PRKCA: variants seen among roughly 807,000 people sequenced by gnomAD.
PRKCA encodes protein kinase C alpha type.
In PRKCA, 27 loss-of-function variants were observed where a neutral mutation model predicts 87.0. That is an observed-to-expected ratio of 0.31 (90% CI 0.23 to 0.43). The LOEUF is 0.43. Ranked by LOEUF, PRKCA falls within the 20% of genes least tolerant of loss-of-function variation. The probability of loss-of-function intolerance (pLI) is 1.00; values close to 1 mark genes in which losing one functional copy is unlikely to be tolerated. For missense variants in PRKCA, 518 were observed against 852.3 expected, an observed-to-expected ratio of 0.61 and a Z score of 4.88; for synonymous variants, 329 against 311.1, an observed-to-expected ratio of 1.06 and a Z score of -0.61.
intron 3 of PRKCA, among the ~76,000 whole-genome samples, chr17:66,595,834 C>T (rs998053585): frequency 5.9e-5 from 9 of 152,182 alleles, no homozygotes; most frequent in African/African-American, 2.2e-4. Context: ...GGATGCAATT[C>T]CACCCACTAC....
At chr17:66,577,818 C>T (rs1159657244) in intron 3 of PRKCA, among the ~76,000 whole-genome samples, 1 of 152,200 alleles carries the variant, frequency 6.6e-6, no homozygotes, top group East Asian at 1.9e-4. Flanking sequence ...GAGAATGACA[C>T]TGGAGTGAGG....
In PRKCA at chr17:66,713,783, C is replaced by T. The variant is rs1346006638; in HGVS notation, c.919-18905C>T. ...TTCTGAAAATAGACTTGTCAACACT[C>T]AGTCCGAGTCTGGCCCCCAGTCACT... On this transcript the variant is annotated intron_variant, in intron 8 of 16. Coordinates refer to ENST00000413366, the MANE Select transcript of PRKCA (RefSeq NM_002737.3). Among the ~76,000 whole-genome samples, 5 of 152,178 alleles carry T rather than the reference C, an allele frequency of 3.3e-5. No homozygotes were observed. The East Asian group carries it at 9.7e-4, about 29-fold the overall frequency.
chr17:66,656,055 C>T (rs905967103), intron 5 of PRKCA, among the ~76,000 whole-genome samples: 2 of 152,118 alleles, frequency 1.3e-5, no homozygotes, highest in South Asian at 4.2e-4. Context: ...GTTCTCTGTG[C>T]GGGGACTCCA....
intron 3 of PRKCA, among the ~76,000 whole-genome samples, chr17:66,631,894 A>G (rs948507611): frequency 6.6e-6 from 1 of 152,254 alleles, no homozygotes; most frequent in African/African-American, 2.4e-5. Flanking sequence ...AACTGGACAT[A>G]AAACAATGTC....
In PRKCA at chr17:66,406,567, G is replaced by A. The variant is rs191245764; in HGVS notation, c.206-89634G>A. ...AACGCTGCCCAGGCAGCTTCATGTAGCATTGTAGCTTTTCCAGGTTTTTTT... is the reference window on the plus strand; with the variant it reads ...AACGCTGCCCAGGCAGCTTCATGTAACATTGTAGCTTTTCCAGGTTTTTTT... On this transcript the variant is annotated intron_variant, in intron 2 of 16. Coordinates refer to ENST00000413366, the MANE Select transcript of PRKCA (RefSeq NM_002737.3). Among the ~76,000 whole-genome samples, 4 of 83,266 alleles carry A rather than the reference G, an allele frequency of 4.8e-5. No individual in the cohort carries two copies. In the East Asian group the frequency reaches 1.4e-3, roughly 29 times the overall value. 54.6% of individuals were successfully genotyped at this position (83,266 alleles called of 152,430 possible). A position where few individuals can be genotyped will look rare whatever the true frequency, so the allele number is the denominator to read the frequency against.
At chr17:66,325,841 A>G (rs946372712) in intron 2 of PRKCA, among the ~76,000 whole-genome samples, 4 of 152,160 alleles carry the variant, frequency 2.6e-5, no homozygotes, top group African/African-American at 9.7e-5. Context: ...TTTGACCTTT[A>G]AAATGATTTC....
intron 8 of PRKCA, among the ~76,000 whole-genome samples, chr17:66,720,980 T>G (rs1207964074): frequency 1.3e-5 from 2 of 152,160 alleles, no homozygotes; most frequent in Non-Finnish European, 2.9e-5. Flanking sequence ...TGGAATGTAG[T>G]TACGTTACTG....
intron 14 of PRKCA, chr17:66,777,808 C>CG: frequency 1.0e-6 from 1 of 985,386 alleles, no homozygotes; most frequent in Non-Finnish European, 1.2e-6. Context: ...CAAGAGGTCA[C>CG]GTGAGTAGAC....
At chr17:66,639,126 G>C (rs1323252811) in intron 3 of PRKCA, 1 of 152,262 alleles carries the variant, frequency 6.6e-6, no homozygotes, top group East Asian at 1.9e-4. Flanking sequence ...CTAAAGTCTT[G>C]CTTAATTCAG....
intron 5 of PRKCA, among the ~76,000 whole-genome samples, chr17:66,672,777 GT>G (rs549898169): frequency 6.1e-4 from 93 of 152,268 alleles, no homozygotes; most frequent in African/African-American, 2.2e-3. Flanking sequence ...CATTTAAAAT[GT>G]TTTCAAAGCA....
intron 8 of PRKCA, among the ~76,000 whole-genome samples, chr17:66,716,136 A>G (rs1423402887): frequency 6.7e-6 from 1 of 148,756 alleles, no homozygotes; most frequent in Non-Finnish European, 1.5e-5. Context: ...GCCCCAGCCC[A>G]TTTTCTATCT....
chr17:66,464,038 C>T (rs964889898), intron 2 of PRKCA, among the ~76,000 whole-genome samples: 1 of 152,132 alleles, frequency 6.6e-6, no homozygotes, highest in African/African-American at 2.4e-5. Context: ...ATAGAAGATC[C>T]CTTTTTCTTC....
intron 13 of PRKCA, among the ~76,000 whole-genome samples, chr17:66,759,309 T>C (rs1259101210): frequency 1.3e-5 from 2 of 150,654 alleles, no homozygotes; most frequent in Non-Finnish European, 2.9e-5. Context: ...TGAGCCAAGA[T>C]GGCGCCACTG....
intron 5 of PRKCA, among the ~76,000 whole-genome samples, chr17:66,663,299 G>A (rs951207103): frequency 6.6e-6 from 1 of 152,224 alleles, no homozygotes; most frequent in Non-Finnish European, 1.5e-5. Context: ...TCAGGCGAGG[G>A]GTTGGGAGGA....
At chr17:66,615,310 T>C (rs1305280522) in intron 3 of PRKCA, among the ~76,000 whole-genome samples, 6 of 152,064 alleles carry the variant, frequency 3.9e-5, no homozygotes, top group Non-Finnish European at 8.8e-5. Flanking sequence ...CAAATGAGGG[T>C]TCTCTTATGA....
intron 14 of PRKCA, among the ~76,000 whole-genome samples, chr17:66,783,607 G>T (rs902182690): frequency 1.3e-5 from 2 of 152,162 alleles, no homozygotes; most frequent in East Asian, 3.8e-4. Flanking sequence ...CCAGTGCCCT[G>T]CACAGAATGT....
At chr17:66,767,116 T>C (rs924097832) in intron 13 of PRKCA, among the ~76,000 whole-genome samples, 2 of 152,176 alleles carry the variant, frequency 1.3e-5, no homozygotes, top group African/African-American at 4.8e-5. Context: ...TATTAATTGA[T>C]TGGCTTTGAG....
chr17:66,446,200 C>A (rs1246904137), intron 2 of PRKCA, among the ~76,000 whole-genome samples: 1 of 151,842 alleles, frequency 6.6e-6, no homozygotes, highest in African/African-American at 2.4e-5. Context: ...GGGGAAGGTG[C>A]TGTTTTCTAG....
intron 3 of PRKCA, among the ~76,000 whole-genome samples, chr17:66,504,628 G>A (rs567455351): frequency 6.6e-6 from 1 of 152,108 alleles, no homozygotes; most frequent in African/African-American, 2.4e-5. Flanking sequence ...CACAGGGTAG[G>A]TGCCATAAGT....
Sources: gnomAD v4.1 joint callset for allele counts (sites outside exome capture counted in the v4.1 genomes callset) on GRCh38, gnomAD v4.1.1 for gene constraint, MANE v1.5 for transcripts, NCBI Gene and HGNC (gene_info 2026-07-23, HGNC 2026-07-21) for gene names.